The following PLS1 variants were observed in gnomAD, a reference collection of about 807,000 sequenced individuals.
PLS1 encodes plastin-1.
Under a neutral mutation model 73.7 loss-of-function variants are expected in PLS1, and 32 were observed. The observed-to-expected ratio is 0.43, with a 90% CI of 0.33 to 0.58. PLS1 has a LOEUF of 0.58. PLS1 is among the 20% of genes least tolerant of loss of function. The probability of loss-of-function intolerance (pLI) is 0.04; values close to 1 mark genes in which losing one functional copy is unlikely to be tolerated. For missense variants in PLS1, 633 were observed against 740.5 expected (o/e 0.85, Z 1.68); for synonymous variants, 217 against 261.3 (o/e 0.83, Z 1.63).
intron 8 of PLS1, among the ~76,000 whole-genome samples, chr3:142,685,165 C>A (rs2037937975): frequency 6.6e-6 from 1 of 152,186 alleles, no homozygotes; most frequent in Non-Finnish European, 1.5e-5. Context: ...TCTCTGCTTT[C>A]ATCTACTATA....
At chr3:142,688,868 A>G (rs904953757) in intron 9 of PLS1, among the ~76,000 whole-genome samples, 2 of 152,262 alleles carry the variant, frequency 1.3e-5, no homozygotes, top group Middle Eastern at 3.4e-3. Context: ...GCTTTTCCCT[A>G]TGATTTTAAT....
chr3:142,647,487 TTTTTCTTTTTC>T (rs2036977712), intron 1 of PLS1, among the ~76,000 whole-genome samples: 1 of 137,460 alleles, frequency 7.3e-6, no homozygotes, highest in Non-Finnish European at 1.5e-5. Context: ...TTCATTTTTC[TTTTTCTTTTTC>T]TTTTCTTTTT....
chr3:142,613,311 C>T (rs2036156693), intron 1 of PLS1, among the ~76,000 whole-genome samples: 1 of 151,876 alleles, frequency 6.6e-6, no homozygotes, highest in African/African-American at 2.4e-5. Flanking sequence ...AACCCTGCCT[C>T]TACCAAAAAA....
chr3:142,660,524 C>A (rs1017669624), intron 1 of PLS1, among the ~76,000 whole-genome samples: 7 of 152,098 alleles, frequency 4.6e-5, no homozygotes, highest in African/African-American at 1.4e-4. Context: ...GGTTGTTCAC[C>A]CTTGTAATCG....
At chr3:142,664,913 T>G (rs555336965) in intron 2 of PLS1, among the ~76,000 whole-genome samples, 1 of 152,310 alleles carries the variant, frequency 6.6e-6, no homozygotes, top group African/African-American at 2.4e-5. Flanking sequence ...CTGTTGGATC[T>G]CAATTCTTCT....
intron 1 of PLS1, among the ~76,000 whole-genome samples, chr3:142,639,530 T>C (rs145940168): frequency 1.3e-5 from 2 of 152,332 alleles, no homozygotes; most frequent in African/African-American, 4.8e-5. Flanking sequence ...TTGAATACTT[T>C]CTGTATCATT....
intron 12 of PLS1, 40 bp downstream of exon 12, chr3:142,698,107 T>C: frequency 2.6e-6 from 3 of 1,151,198 alleles, no homozygotes; most frequent in Non-Finnish European, 3.9e-6. Context: ...GTTATTGTTC[T>C]GATATGAAAC....
chr3:142,680,534 G>A (rs1577883694), intron 6 of PLS1, among the ~76,000 whole-genome samples: 1 of 152,216 alleles, frequency 6.6e-6, no homozygotes, highest in Non-Finnish European at 1.5e-5. Flanking sequence ...CTCTTATTAG[G>A]TGGTTGAAAA....
intron 8 of PLS1, among the ~76,000 whole-genome samples, chr3:142,685,997 A>C (rs2037957291): frequency 6.6e-6 from 1 of 152,154 alleles, no homozygotes; most frequent in African/African-American, 2.4e-5. Context: ...CTGAATCTTA[A>C]CTGATGTTGA....
chr3:142,638,584 G>T (rs1170790383), intron 1 of PLS1, among the ~76,000 whole-genome samples: 2 of 152,074 alleles, frequency 1.3e-5, no homozygotes, highest in Non-Finnish European at 2.9e-5. Context: ...TTTCTCTGAG[G>T]CACATTTTCT....
intron 1 of PLS1, among the ~76,000 whole-genome samples, chr3:142,642,175 T>A (rs945143300): frequency 5.3e-5 from 8 of 152,204 alleles, no homozygotes; most frequent in Non-Finnish European, 1.0e-4. Context: ...GTGTATACTT[T>A]AAACAAAGTT....
intron 1 of PLS1, among the ~76,000 whole-genome samples, chr3:142,604,809 C>A (rs573847107): frequency 1.3e-5 from 2 of 152,072 alleles, no homozygotes; most frequent in South Asian, 4.2e-4. Flanking sequence ...GTGGTGGGTG[C>A]CTGTAGTCCC....
chr3:142,704,635 ATTTTTTTTTTTTTTTTTT>A (rs10631186), intron 14 of PLS1, 49 bp downstream of exon 14: 9 of 261,958 alleles, frequency 3.4e-5, no homozygotes, highest in African/African-American at 9.7e-5. Flanking sequence ...ATAGGAAGGA[ATTTTTTTTTTTTTTTTTT>A]TTTTTTTTTT....
chr3:142,620,644 A>T (rs2036298154), intron 1 of PLS1, among the ~76,000 whole-genome samples: 1 of 152,176 alleles, frequency 6.6e-6, no homozygotes, highest in Non-Finnish European at 1.5e-5. Context: ...ACTTTGATTC[A>T]GTTTATTATT....
At chr3:142,629,363 C>T (rs548965368) in intron 1 of PLS1, among the ~76,000 whole-genome samples, 28 of 152,088 alleles carry the variant, frequency 1.8e-4, no homozygotes, top group Non-Finnish European at 3.2e-4. Flanking sequence ...CCACCATGCC[C>T]GGCTAATTTT....
chr3:142,627,656 T>C (rs1211295498), intron 1 of PLS1, among the ~76,000 whole-genome samples: 1 of 152,126 alleles, frequency 6.6e-6, no homozygotes, highest in African/African-American at 2.4e-5. Context: ...TTTGAGACAG[T>C]GTCTCGCTCT....
chr3:142,637,319 C>T (rs1456788084), intron 1 of PLS1, among the ~76,000 whole-genome samples: 1 of 152,094 alleles, frequency 6.6e-6, no homozygotes, highest in Non-Finnish European at 1.5e-5. Flanking sequence ...ATAAAACTCT[C>T]AAAAATGCAA....
chr3:142,636,004 C>T (rs2036680226), intron 1 of PLS1, among the ~76,000 whole-genome samples: 1 of 152,100 alleles, frequency 6.6e-6, no homozygotes, highest in African/African-American at 2.4e-5. Context: ...AGCCTTTCAC[C>T]TCAGCCTTTC....
intron 1 of PLS1, among the ~76,000 whole-genome samples, chr3:142,597,510 A>T (rs1249107919): frequency 3.3e-5 from 5 of 152,218 alleles, no homozygotes; most frequent in East Asian, 1.9e-4. Flanking sequence ...TAAGTTCAGG[A>T]AGAGAAACCT....
Sources: allele counts gnomAD v4.1 joint callset (sites outside exome capture counted in the v4.1 genomes callset), GRCh38; gene constraint gnomAD v4.1.1; transcripts MANE v1.5; gene names NCBI Gene and HGNC (gene_info 2026-07-23, HGNC 2026-07-21).